The following CUL2 variants were observed in gnomAD, a reference collection of about 807,000 sequenced individuals.
The protein encoded by CUL2 is cullin 2, also known as cullin-2.
Under a neutral mutation model 110.2 loss-of-function variants are expected in CUL2, and 22 were observed. The ratio of observed to expected loss-of-function variants is 0.20; its 90% confidence interval spans 0.14 to 0.28. CUL2 has a LOEUF of 0.28. CUL2 is among the 10% of genes least tolerant of loss of function. The pLI is 1.00. For missense variants in CUL2, 631 were observed against 905.5 expected (o/e 0.70, Z 3.89); for synonymous variants, 279 against 293.2 (o/e 0.95, Z 0.49).
intron 1 of CUL2, chr10:35,074,263 ATTCAG>A (rs1254463513): frequency 6.7e-7 from 1 of 1,494,144 alleles, no homozygotes; most frequent in Admixed American, 2.0e-5. Context: ...TACAGACAGC[ATTCAG>A]TTTGGGCTCA....
intron 1 of CUL2, among the ~76,000 whole-genome samples, chr10:35,118,954 G>C (rs554859511): frequency 6.6e-6 from 1 of 152,144 alleles, no homozygotes; most frequent in South Asian, 2.1e-4. Context: ...GAAAGAATAG[G>C]GGGACAATGG....
At chr10:35,074,109 G>A in intron 1 of CUL2, 1 of 1,270,454 alleles carries the variant, frequency 7.9e-7, no homozygotes, top group Non-Finnish European at 1.1e-6. Context: ...AAGCTCTGAG[G>A]ATACAGTGGA....
At chr10:35,122,318 A>G (rs34605125) in intron 1 of CUL2, among the ~76,000 whole-genome samples, 44,567 of 152,126 alleles carry the variant, frequency 0.29, 7,060 homozygotes, top group South Asian at 0.35. Context: ...GTGGTCTAGT[A>G]GAAAGAGTAC....
upstream of CUL2, among the ~76,000 whole-genome samples, chr10:35,094,266 G>T (rs967658013): frequency 1.3e-5 from 2 of 149,734 alleles, no homozygotes; most frequent in Middle Eastern, 3.4e-3. Flanking sequence ...ATGGAGTTTC[G>T]CTCTTGTTGC....
At position 35,013,685 on chromosome 10, in the gene CUL2, T is replaced by C. The variant is rs1238290670; in HGVS notation, c.1989+14A>G. ...TTTCCCCCTCAAAAAAAACTTGACA[T>C]TAAAAGCACTTACTTGTGGTGTGTC... On this transcript the variant is annotated intron_variant, in intron 19 of 20. Coordinates refer to ENST00000374749, the MANE Select transcript of CUL2 (RefSeq NM_003591.4). 1 of 1,521,240 alleles carries C rather than the reference T, an allele frequency of 6.6e-7. No individual in the cohort carries two copies. The highest frequency in any genetic ancestry group is 9.0e-7 in the Non-Finnish European group (1 of 1,116,798). 94.2% of individuals were successfully genotyped at this position (1,521,240 alleles called of 1,614,324 possible). A position where few individuals can be genotyped will look rare whatever the true frequency, so the allele number is the denominator to read the frequency against.
intron 17 of CUL2, among the ~76,000 whole-genome samples, chr10:35,021,914 A>AG (rs1564699504): frequency 7.7e-5 from 8 of 104,070 alleles, no homozygotes; most frequent in Admixed American, 2.1e-4. Flanking sequence ...GGTGGGGCGA[A>AG]GTGGGGCGAG....
chr10:35,024,275 T>C (rs2134682913), intron 17 of CUL2, among the ~76,000 whole-genome samples: 1 of 152,312 alleles, frequency 6.6e-6, no homozygotes, highest in Middle Eastern at 3.4e-3. Flanking sequence ...AATGTATTAC[T>C]AATACAATGA....
chr10:35,042,017 G>C (rs2085805456), intron 8 of CUL2, among the ~76,000 whole-genome samples: 1 of 152,118 alleles, frequency 6.6e-6, no homozygotes, highest in African/African-American at 2.4e-5. Flanking sequence ...TAAAAACATA[G>C]ATAATAAAAT....
At chr10:35,045,511 G>C (rs2085912582) in intron 6 of CUL2, among the ~76,000 whole-genome samples, 1 of 145,002 alleles carries the variant, frequency 6.9e-6, no homozygotes, top group South Asian at 2.2e-4. Context: ...TCCTGAGTTT[G>C]AGACTAGCCT....
At chr10:35,088,100 T>A (rs1406583101) in intron 1 of CUL2, among the ~76,000 whole-genome samples, 2 of 152,180 alleles carry the variant, frequency 1.3e-5, no homozygotes, top group African/African-American at 4.8e-5. Context: ...AATCTCCCAA[T>A]CACTACCACA....
chr10:35,045,545 CAAA>C (rs35223623), intron 6 of CUL2, among the ~76,000 whole-genome samples: 2 of 88,504 alleles, frequency 2.3e-5, no homozygotes. Flanking sequence ...AGACCCCATA[CAAA>C]AAAAAAAAAA....
intron 6 of CUL2, among the ~76,000 whole-genome samples, chr10:35,047,003 T>C (rs1296533024): frequency 6.6e-6 from 1 of 152,142 alleles, no homozygotes; most frequent in Non-Finnish European, 1.5e-5. Flanking sequence ...ACTCTACCAT[T>C]GGGTAACTAA....
chr10:35,117,140 A>C (rs1352233507), intron 1 of CUL2, among the ~76,000 whole-genome samples: 1 of 152,218 alleles, frequency 6.6e-6, no homozygotes, highest in Non-Finnish European at 1.5e-5. Flanking sequence ...AAATCTAAGA[A>C]GCAACAGATG....
intron 4 of CUL2, among the ~76,000 whole-genome samples, chr10:35,057,274 A>AT (rs2086261120): frequency 6.6e-6 from 1 of 152,216 alleles, no homozygotes; most frequent in Non-Finnish European, 1.5e-5. Context: ...TCCTCACAGA[A>AT]TAAAATTTAA....
intron 3 of CUL2, 38 bp from the exon 4 acceptor site, chr10:35,061,006 AT>A (rs1489478235): frequency 6.4e-7 from 1 of 1,573,568 alleles, no homozygotes; most frequent in Non-Finnish European, 8.6e-7. Context: ...TTGAAAAGCA[AT>A]AATCATTTTC....
At position 35,035,205 on chromosome 10, in the gene CUL2, G is replaced by A. The variant is rs535893634; in HGVS notation, c.969C>T (p.Gly323=). The change falls in exon 10 of 21, where the codon GGC becomes GGT. Residue 323 remains glycine (G), a synonymous_variant. Coordinates refer to ENST00000374749, the MANE Select transcript of CUL2 (RefSeq NM_003591.4). ...GAGTAAGGTTGCTGGTTGCTCGAAG[G>A]CCCTCATCATGGATGTGGTTTTGCA... ...QELQNHIHDE[G]LRATSNLTQE... 21 of 1,614,162 alleles carry A rather than the reference G, an allele frequency of 1.3e-5. 1 individual carries two copies. In the South Asian group the frequency reaches 2.0e-4, roughly 15 times the overall value.
intron 4 of CUL2, among the ~76,000 whole-genome samples, chr10:35,060,357 AG>A (rs765917513): frequency 1.3e-5 from 2 of 152,240 alleles, no homozygotes; most frequent in African/African-American, 2.4e-5. Flanking sequence ...CAGGAAAGGC[AG>A]GAAGATGGGA....
intron 8 of CUL2, among the ~76,000 whole-genome samples, chr10:35,044,084 G>A (rs976990358): frequency 4.1e-5 from 6 of 146,826 alleles, no homozygotes; most frequent in Admixed American, 1.4e-4. Context: ...AACACCTCAC[G>A]TGGGGTTGTC....
Position 35,024,759 on chromosome 10 carries a change from C to T in CUL2, c.1684+373G>A, listed in dbSNP as rs189872339. Among the ~76,000 whole-genome samples, 731 of 152,278 alleles carry T rather than the reference C, an allele frequency of 4.8e-3. 7 individuals carry two copies. Among genetic ancestry groups the T allele is most frequent in the Middle Eastern group, 0.014 (4 of 294 alleles). On this transcript the variant is annotated intron_variant, in intron 17 of 20. Coordinates refer to ENST00000374749, the MANE Select transcript of CUL2 (RefSeq NM_003591.4). ...AAGTAAAAATCAAATGGTTAGGTCT[C>T]CTTATGATGCTATAATAAAGAAACT...
Sources: gnomAD v4.1 joint callset for allele counts (sites outside exome capture counted in the v4.1 genomes callset) on GRCh38, gnomAD v4.1.1 for gene constraint, MANE v1.5 for transcripts, NCBI Gene and HGNC (gene_info 2026-07-23, HGNC 2026-07-21) for gene names.